The following EPHB2 variants were observed in gnomAD, a reference collection of about 807,000 sequenced individuals.
EPHB2 encodes the protein EPH receptor B2, also known as ephrin type-B receptor 2.
A neutral mutation model predicts 96.4 loss-of-function variants in EPHB2; 18 were observed. The observed-to-expected ratio is 0.19, with a 90% CI of 0.13 to 0.28. The LOEUF is 0.28. Ranked by LOEUF, EPHB2 falls within the 10% of genes least tolerant of loss-of-function variation. The pLI is 1.00. For missense variants in EPHB2, 989 were observed against 1,355.4 expected (o/e 0.73, Z 4.25); for synonymous variants, 506 against 534.1 (o/e 0.95, Z 0.72).
intron 6 of EPHB2, among the ~76,000 whole-genome samples, chr1:22,889,170 C>A (rs1639316329): frequency 6.6e-6 from 1 of 152,078 alleles, no homozygotes; most frequent in Non-Finnish European, 1.5e-5. Context: ...TATAGTCAGA[C>A]AGAGAGAGAC....
Position 22,920,362 on chromosome 1 carries a change from A to G in EPHB2, c.*6792A>G, listed in dbSNP as rs1640367775. 1 of 151,774 alleles carries G rather than the reference A, an allele frequency of 6.6e-6. No individual in the cohort carries two copies. The highest frequency in any genetic ancestry group is 1.5e-5 in the Non-Finnish European group (1 of 67,998). The allele number at this position is 151,774 out of a possible 1,614,324, so 9.4% of individuals were successfully genotyped here. A position where few individuals can be genotyped will look rare whatever the true frequency, so the allele number is the denominator to read the frequency against. On this transcript the variant is annotated 3_prime_UTR_variant, in exon 16 of 16. Coordinates refer to ENST00000374630, the MANE Select transcript of EPHB2 (RefSeq NM_017449.5). ...CAGGGCCAGGAATTTGCCTTGGGAG[A>G]CCCCCACTGAGGAATATTTCCGAAG...
intron 1 of EPHB2, among the ~76,000 whole-genome samples, chr1:22,754,220 A>G (rs770019587): frequency 7.4e-4 from 113 of 152,302 alleles, no homozygotes; most frequent in Middle Eastern, 3.4e-3. Context: ...TGGTGGCTCA[A>G]AGGTGCTCAG....
intron 6 of EPHB2, among the ~76,000 whole-genome samples, chr1:22,888,380 A>C (rs535333348): frequency 2.5e-4 from 38 of 152,282 alleles, no homozygotes; most frequent in Admixed American, 7.2e-4. Context: ...GGTGGGAGCC[A>C]ACATTTATTA....
intron 1 of EPHB2, among the ~76,000 whole-genome samples, chr1:22,718,910 C>G (rs1379390371): frequency 6.6e-6 from 1 of 152,126 alleles, no homozygotes; most frequent in African/African-American, 2.4e-5. Context: ...TTCTCCACTT[C>G]TAGAATGTGC....
intron 1 of EPHB2, among the ~76,000 whole-genome samples, chr1:22,722,961 C>T (rs1002100271): frequency 2.6e-5 from 4 of 152,174 alleles, no homozygotes; most frequent in Admixed American, 6.5e-5. Flanking sequence ...ATAGGAGGCC[C>T]GTGAGTGTGT....
At chr1:22,742,730 T>C (rs1384628061) in intron 1 of EPHB2, among the ~76,000 whole-genome samples, 1 of 151,720 alleles carries the variant, frequency 6.6e-6, no homozygotes, top group Non-Finnish European at 1.5e-5. Flanking sequence ...CTCAAACTCC[T>C]GACCTCAAGT....
At chr1:22,759,576 A>G (rs1644206147) in intron 1 of EPHB2, among the ~76,000 whole-genome samples, 1 of 152,112 alleles carries the variant, frequency 6.6e-6, no homozygotes, top group South Asian at 2.1e-4. Context: ...AGTGATGGGA[A>G]GGGGCCTTGC....
chr1:22,732,345 A>G (rs750736048), intron 1 of EPHB2, among the ~76,000 whole-genome samples: 2 of 151,132 alleles, frequency 1.3e-5, no homozygotes, highest in Non-Finnish European at 3.0e-5. Context: ...GTGGGGGTGG[A>G]AACCTGGAGG....
intron 1 of EPHB2, among the ~76,000 whole-genome samples, chr1:22,720,116 T>C (rs1015857531): frequency 6.6e-6 from 1 of 152,174 alleles, no homozygotes; most frequent in African/African-American, 2.4e-5. Flanking sequence ...TAGTCTAGAC[T>C]GCGCCTCTAT....
intron 3 of EPHB2, among the ~76,000 whole-genome samples, chr1:22,792,494 G>A (rs1644708618): frequency 1.3e-5 from 2 of 152,180 alleles, no homozygotes; most frequent in Non-Finnish European, 2.9e-5. Flanking sequence ...ATGTACTCAA[G>A]TGATTCAGGC....
chr1:22,763,430 C>T (rs1644262939), intron 1 of EPHB2, among the ~76,000 whole-genome samples: 1 of 152,134 alleles, frequency 6.6e-6, no homozygotes, highest in Non-Finnish European at 1.5e-5. Flanking sequence ...CACACAGGAC[C>T]AGCACCTGCC....
In EPHB2 at chr1:22,917,607, A is replaced by T. The variant is rs939861825; in HGVS notation, c.*4037A>T. 1 of 152,098 alleles carries T rather than the reference A, an allele frequency of 6.6e-6. No individual in the cohort carries two copies. The highest frequency in any genetic ancestry group is 1.5e-5 in the Non-Finnish European group (1 of 68,028). 9.4% of individuals were successfully genotyped at this position (152,098 alleles called of 1,614,324 possible). ...GACTGGGTGAGGCAGGCTGTGCAAA[A>T]CACTTATACACCTTAGTCCCATGAG... On this transcript the variant is annotated 3_prime_UTR_variant, in exon 16 of 16. Transcript: ENST00000374630.
intron 1 of EPHB2, among the ~76,000 whole-genome samples, chr1:22,736,732 T>C (rs1167266402): frequency 6.6e-6 from 1 of 152,204 alleles, no homozygotes; most frequent in Non-Finnish European, 1.5e-5. Flanking sequence ...GGGCCCAGCC[T>C]GCAATGGGGC....
At chr1:22,828,415 G>T (rs983470639) in intron 3 of EPHB2, among the ~76,000 whole-genome samples, 11 of 152,214 alleles carry the variant, frequency 7.2e-5, no homozygotes, top group Non-Finnish European at 1.5e-4. Context: ...CCACCTAGCA[G>T]CTCCTGGAGC....
At chr1:22,811,614 C>T (rs1239717063) in intron 3 of EPHB2, among the ~76,000 whole-genome samples, 2 of 152,216 alleles carry the variant, frequency 1.3e-5, no homozygotes, top group Non-Finnish European at 2.9e-5. Context: ...TTCCTTGTCA[C>T]CTAATTTCCC....
intron 3 of EPHB2, among the ~76,000 whole-genome samples, chr1:22,850,772 G>A (rs6655962): frequency 0.31 from 46,673 of 151,954 alleles, 7,663 homozygotes; most frequent in Middle Eastern, 0.44. Flanking sequence ...GAGGCCCGGA[G>A]AGAGGCTCAG....
At chr1:22,881,313 G>T (rs1011075082) in intron 5 of EPHB2, among the ~76,000 whole-genome samples, 4 of 151,978 alleles carry the variant, frequency 2.6e-5, no homozygotes, top group African/African-American at 4.8e-5. Flanking sequence ...TAGGAGAATC[G>T]CTTGAACCCA....
intron 3 of EPHB2, among the ~76,000 whole-genome samples, chr1:22,848,452 G>A: frequency 6.6e-6 from 1 of 152,236 alleles, no homozygotes; most frequent in South Asian, 2.1e-4. Context: ...TGAGCTACCA[G>A]GAGGATGCTG....
chr1:22,775,049 C>A, intron 1 of EPHB2: 2 of 669,896 alleles, frequency 3.0e-6, no homozygotes, highest in East Asian at 2.7e-5. Flanking sequence ...TGCTGCCCTC[C>A]TCCTGCCCCT....
Sources: allele counts gnomAD v4.1 joint callset (sites outside exome capture counted in the v4.1 genomes callset), GRCh38; gene constraint gnomAD v4.1.1; transcripts MANE v1.5; gene names NCBI Gene and HGNC (gene_info 2026-07-23, HGNC 2026-07-21).